Variants in DOK6 observed in about 807,000 individuals in gnomAD.
DOK6 encodes the protein downstream of tyrosine kinase 6.
DOK6 carries 22 observed loss-of-function variants against 44.0 expected under a neutral mutation model. The observed-to-expected ratio is 0.50, with a 90% CI of 0.36 to 0.71. The LOEUF is 0.71. Ranked by LOEUF, DOK6 falls within the 30% of genes least tolerant of loss-of-function variation. The pLI, the probability that DOK6 is intolerant of heterozygous loss-of-function variation, is 0.00. For missense variants in DOK6, 340 were observed against 416.4 expected, an observed-to-expected ratio of 0.82 and a Z score of 1.60; for synonymous variants, 166 against 145.5, an observed-to-expected ratio of 1.14 and a Z score of -1.01.
Position 69,841,349 on chromosome 18 carries a change from A to T in DOK6, c.962A>T (p.Tyr321Phe). 2 of 1,614,160 alleles carry T rather than the reference A, an allele frequency of 1.2e-6. No homozygotes were observed. The highest frequency in any genetic ancestry group is 2.2e-5 in the South Asian group (2 of 91,090). ...CAGCCGTTGTCGCGGTCCAGCAGCT[A>T]TGGATTCAGCTACAGCTCCAGCCTC... ...AQQPLSRSSS[Y>F]GFSYSSSLIQ Residue 321 changes from tyrosine (Y) to phenylalanine (F), a missense_variant, in exon 8 of 8, where the codon TAT (tyrosine) becomes TTT (phenylalanine). By Grantham distance (22) the Tyr-to-Phe change is conservative. Coordinates refer to ENST00000382713, the MANE Select transcript of DOK6 (RefSeq NM_152721.6).
chr18:69,510,150 T>C (rs2144555580), intron 1 of DOK6, among the ~76,000 whole-genome samples: 1 of 152,326 alleles, frequency 6.6e-6, no homozygotes. Context: ...GTTTGAATAT[T>C]CTTGAAACAA....
chr18:69,432,308 C>T (rs1402439258), intron 1 of DOK6, among the ~76,000 whole-genome samples: 1 of 152,072 alleles, frequency 6.6e-6, no homozygotes, highest in Non-Finnish European at 1.5e-5. Context: ...GCCAGAAGTG[C>T]TGGTATACAT....
chr18:69,404,143 A>G (rs925399911), intron 1 of DOK6, among the ~76,000 whole-genome samples: 6 of 152,232 alleles, frequency 3.9e-5, no homozygotes, highest in African/African-American at 1.2e-4. Context: ...GACATGAAAC[A>G]TAATTTATGA....
At chr18:69,611,634 C>T (rs1185418672) in intron 3 of DOK6, among the ~76,000 whole-genome samples, 1 of 152,126 alleles carries the variant, frequency 6.6e-6, no homozygotes, top group African/African-American at 2.4e-5. Flanking sequence ...AAATACTCTT[C>T]ACCAGTACAA....
intron 1 of DOK6, among the ~76,000 whole-genome samples, chr18:69,491,020 A>G (rs1269839728): frequency 6.6e-6 from 1 of 152,250 alleles, no homozygotes; most frequent in Non-Finnish European, 1.5e-5. Context: ...GTTAATTAAC[A>G]TTAACCAATG....
At chr18:69,678,287 A>G (rs1985969847) in intron 4 of DOK6, among the ~76,000 whole-genome samples, 1 of 152,196 alleles carries the variant, frequency 6.6e-6, no homozygotes, top group Admixed American at 6.6e-5. Context: ...AGTTCAAGTT[A>G]TTAAGGGACT....
chr18:69,810,476 T>TAATGGGATTA (rs1190887501), intron 7 of DOK6, among the ~76,000 whole-genome samples: 7 of 151,866 alleles, frequency 4.6e-5, no homozygotes, highest in Non-Finnish European at 8.8e-5. Context: ...TGGGATTACA[T>TAATGGGATTA]CAAACTAATA....
chr18:69,579,539 C>T lies in DOK6; in HGVS notation c.174+14945C>T, dbSNP rs1468442918. On this transcript the variant is annotated intron_variant, in intron 2 of 7. Transcript: ENST00000382713. Reference sequence around the variant, plus strand: ...AGTCCTAAAGCTGGTTTGTCCAACTCTCCGAAGGTGGGCCAAAAGAAGCCA... The same window carrying T: ...AGTCCTAAAGCTGGTTTGTCCAACTTTCCGAAGGTGGGCCAAAAGAAGCCA... 4.0e-5 allele frequency among the ~76,000 whole-genome samples: 6 copies of T among 151,310 alleles called. No individual in the cohort carries two copies. In the Admixed American group the frequency reaches 4.0e-4, roughly 10 times the overall value.
intron 1 of DOK6, among the ~76,000 whole-genome samples, chr18:69,457,531 C>T (rs1176966261): frequency 6.6e-6 from 1 of 152,164 alleles, no homozygotes; most frequent in Non-Finnish European, 1.5e-5. Context: ...GTTTTGGTTA[C>T]TCTAGTCCTA....
intron 2 of DOK6, among the ~76,000 whole-genome samples, chr18:69,588,337 T>C (rs1476631443): frequency 6.6e-6 from 1 of 152,216 alleles, no homozygotes; most frequent in Non-Finnish European, 1.5e-5. Flanking sequence ...GTTGCTTGAT[T>C]CGGTAACTCT....
chr18:69,612,892 TG>T lies in DOK6; in HGVS notation c.289+13395del, dbSNP rs1331628294. Among the ~76,000 whole-genome samples the T allele has an allele frequency of 2.2e-3, 331 of 151,554 alleles. 2 individuals carry two copies. The highest frequency in any genetic ancestry group is 7.4e-3 in the African/African-American group (308 of 41,390). The stretch of plus-strand genomic sequence containing the variant: ...TTGCTTTTCTTTCTTTCTTTTTTTT[TG>T]CCTTTTGAGACAGGGTCTTGCTCTG... On this transcript the variant is annotated intron_variant, in intron 3 of 7. Coordinates refer to ENST00000382713, the MANE Select transcript of DOK6 (RefSeq NM_152721.6).
At chr18:69,689,770 A>G (rs1294328831) in intron 4 of DOK6, among the ~76,000 whole-genome samples, 1 of 152,178 alleles carries the variant, frequency 6.6e-6, no homozygotes, top group Non-Finnish European at 1.5e-5. Flanking sequence ...AATTGAGCTA[A>G]AAATTGGTTA....
In DOK6 at chr18:69,757,815, C is replaced by A; in HGVS notation, c.798C>A (p.Ser266Arg). ...TLSKSISLPR[S>R]AYWHHITRQN... is the part of the protein sequence containing the mutation. ...CCAAATCAATATCTCTTCCTCGCAG[C>A]GCGTACTGGCATCACATCACTCGTC... is the stretch of plus-strand genomic sequence containing the variant. The change falls in exon 7 of 8, where the codon AGC becomes AGA. Residue 266 changes from serine to arginine, a missense_variant. By Grantham distance (110) the Ser-to-Arg change is moderately radical. Around this residue, in one of 3 missense-constraint regions of DOK6, gnomAD observed 112 missense variants for 109.3 expected, o/e 1.02. Transcript: ENST00000382713. 1 of 1,614,134 alleles carries A rather than the reference C, an allele frequency of 6.2e-7. No individual in the cohort carries two copies. The highest frequency in any genetic ancestry group is 8.5e-7 in the Non-Finnish European group (1 of 1,179,990).
intron 1 of DOK6, among the ~76,000 whole-genome samples, chr18:69,564,017 C>T (rs1405236750): frequency 6.6e-6 from 1 of 152,102 alleles, no homozygotes; most frequent in Non-Finnish European, 1.5e-5. Flanking sequence ...AAATATATTT[C>T]TTGCTGCTTT....
chr18:69,740,601 C>T (rs1028435759), intron 6 of DOK6, among the ~76,000 whole-genome samples: 7 of 152,174 alleles, frequency 4.6e-5, no homozygotes, highest in Non-Finnish European at 8.8e-5. Flanking sequence ...AAGAGTACCC[C>T]GTTGGTGCTC....
chr18:69,718,166 G>C (rs972515628), intron 5 of DOK6, among the ~76,000 whole-genome samples: 1 of 152,170 alleles, frequency 6.6e-6, no homozygotes, highest in Non-Finnish European at 1.5e-5. Flanking sequence ...GGGTGGATTC[G>C]CCTATTCTTG....
chr18:69,597,809 G>A (rs181685525), intron 2 of DOK6, among the ~76,000 whole-genome samples: 58 of 152,262 alleles, frequency 3.8e-4, no homozygotes, highest in Admixed American at 2.1e-3. Flanking sequence ...TCACCCCTCT[G>A]CACATGCACA....
intron 1 of DOK6, among the ~76,000 whole-genome samples, chr18:69,414,327 TA>T (rs1404567959): frequency 6.6e-6 from 1 of 152,040 alleles, no homozygotes; most frequent in African/African-American, 2.4e-5. Flanking sequence ...AAATTGAAGA[TA>T]AACCAGATGT....
chr18:69,781,339 G>T (rs1400956433), intron 7 of DOK6: 1 of 152,094 alleles, frequency 6.6e-6, no homozygotes, highest in African/African-American at 2.4e-5. Flanking sequence ...GTTATGTATG[G>T]CATCACTCAC....
Sources: allele counts gnomAD v4.1 joint callset (sites outside exome capture counted in the v4.1 genomes callset), GRCh38; gene constraint gnomAD v4.1.1; regional missense constraint gnomAD v4.1.1; transcripts MANE v1.5; gene names NCBI Gene and HGNC (gene_info 2026-07-23, HGNC 2026-07-21).